FER: variants seen among roughly 807,000 people sequenced by gnomAD.
FER encodes FER tyrosine kinase.
FER carries 63 observed loss-of-function variants against 111.0 expected under a neutral mutation model. That is an observed-to-expected ratio of 0.57 (90% CI 0.46 to 0.70). FER has a LOEUF of 0.70. Among genes scored for constraint, FER ranks in the 30% least tolerant of loss-of-function variants. The probability of loss-of-function intolerance (pLI) is 0.00; values close to 1 mark genes in which losing one functional copy is unlikely to be tolerated. For synonymous variants in FER, 327 were observed against 313.9 expected, an observed-to-expected ratio of 1.04 and a Z score of -0.44; for missense variants, 914 against 954.0, an observed-to-expected ratio of 0.96 and a Z score of 0.55.
chr5:109,058,638 T>C (rs1773945673), intron 16 of FER, among the ~76,000 whole-genome samples: 1 of 151,172 alleles, frequency 6.6e-6, no homozygotes. Flanking sequence ...AACTTTCTAA[T>C]ATTATCATGA....
chr5:109,056,564 A>C (rs1049122546), intron 16 of FER, among the ~76,000 whole-genome samples: 1 of 152,218 alleles, frequency 6.6e-6, no homozygotes, highest in African/African-American at 2.4e-5. Context: ...GGCAGAGGGC[A>C]GGAACAGAGG....
chr5:109,138,790 G>A (rs1409618462), intron 17 of FER, among the ~76,000 whole-genome samples: 2 of 152,314 alleles, frequency 1.3e-5, no homozygotes, highest in South Asian at 2.1e-4. Flanking sequence ...GAGATGATAA[G>A]GGTTTGAACT....
chr5:108,958,456 G>A (rs1002398023), intron 12 of FER, among the ~76,000 whole-genome samples: 2 of 151,682 alleles, frequency 1.3e-5, no homozygotes, highest in Non-Finnish European at 3.0e-5. Context: ...TGATTTGCCA[G>A]GTTTATTGCT....
At chr5:109,083,198 T>C (rs1777185532) in intron 16 of FER, among the ~76,000 whole-genome samples, 1 of 152,102 alleles carries the variant, frequency 6.6e-6, no homozygotes, top group Non-Finnish European at 1.5e-5. Context: ...TCTTCATTTA[T>C]TGAAAGCGGC....
At chr5:108,920,087 T>C (rs1032835800) in intron 10 of FER, among the ~76,000 whole-genome samples, 2 of 152,114 alleles carry the variant, frequency 1.3e-5, no homozygotes, top group African/African-American at 4.8e-5. Context: ...ATTTTAGTTC[T>C]TTTTAGTTAT....
At chr5:109,106,070 A>G (rs1463277967) in intron 17 of FER, among the ~76,000 whole-genome samples, 2 of 152,212 alleles carry the variant, frequency 1.3e-5, no homozygotes, top group Non-Finnish European at 2.9e-5. Context: ...CTCTGGTTCT[A>G]AGGCCACACA....
chr5:109,182,267 T>C (rs948594537), intron 18 of FER, among the ~76,000 whole-genome samples: 2 of 152,148 alleles, frequency 1.3e-5, no homozygotes, highest in Non-Finnish European at 2.9e-5. Flanking sequence ...ATGTAATTGG[T>C]TTGGAAGTTG....
At chr5:109,046,977 G>A (rs1045536520) in intron 15 of FER, 127 bp from the exon 16 acceptor site, 4 of 528,364 alleles carry the variant, frequency 7.6e-6, no homozygotes, top group Non-Finnish European at 1.3e-5. Context: ...ATAATTTGGG[G>A]TCATACTGAA....
chr5:109,083,486 C>A (rs894789788), intron 16 of FER, among the ~76,000 whole-genome samples: 5 of 151,938 alleles, frequency 3.3e-5, no homozygotes, highest in Admixed American at 2.0e-4. Context: ...CCATTTTAAC[C>A]CAAAGATTGT....
intron 1 of FER, among the ~76,000 whole-genome samples, chr5:108,766,935 G>A (rs1752382519): frequency 6.6e-6 from 1 of 152,188 alleles, no homozygotes; most frequent in South Asian, 2.1e-4. Context: ...AAACCTCTCA[G>A]AAGAGTTCAC....
chr5:109,074,942 A>C (rs566318105), intron 16 of FER, among the ~76,000 whole-genome samples: 9 of 152,364 alleles, frequency 5.9e-5, no homozygotes, highest in Non-Finnish European at 1.3e-4. Context: ...AATACTAATG[A>C]ATTGGTGACA....
intron 13 of FER, 23 bp downstream of exon 13, chr5:108,959,370 G>T: frequency 6.4e-7 from 1 of 1,563,608 alleles, no homozygotes; most frequent in Non-Finnish European, 8.6e-7. Context: ...ATACTTTTTT[G>T]TCTGTTTGTT....
intron 13 of FER, among the ~76,000 whole-genome samples, chr5:109,031,322 C>T (rs1246046101): frequency 6.6e-6 from 1 of 152,016 alleles, no homozygotes; most frequent in African/African-American, 2.4e-5. Context: ...TCCTTGTTTG[C>T]CTCTTGAATT....
In FER at chr5:108,928,468, A is replaced by G. The variant is rs1053101971; in HGVS notation, c.1237-17662A>G. ...ATAAATTCGTGAGTTCTTGAAATGT[A>G]TTATAGGGCTCAACTTTTTAATAAG... On this transcript the variant is annotated intron_variant, in intron 10 of 19. Transcript: ENST00000281092. 1.2e-4 allele frequency among the ~76,000 whole-genome samples: 19 copies of G among 152,298 alleles called. No individual in the cohort carries two copies. In the South Asian group the frequency reaches 3.3e-3, roughly 27 times the overall value.
At chr5:108,749,719 T>G (rs1053786365) in intron 1 of FER, among the ~76,000 whole-genome samples, 5 of 152,070 alleles carry the variant, frequency 3.3e-5, no homozygotes, top group Admixed American at 6.5e-5. Flanking sequence ...AGTGGTGTCG[T>G]CGGTAATTTC....
chr5:109,056,676 G>T (rs1773690905), intron 16 of FER, among the ~76,000 whole-genome samples: 1 of 152,084 alleles, frequency 6.6e-6, no homozygotes, highest in South Asian at 2.1e-4. Flanking sequence ...TAATAAAATT[G>T]TTCTGTGTAT....
At chr5:108,792,201 G>A (rs1755454852) in intron 2 of FER, among the ~76,000 whole-genome samples, 1 of 152,116 alleles carries the variant, frequency 6.6e-6, no homozygotes, top group Non-Finnish European at 1.5e-5. Flanking sequence ...AGGATAGCTT[G>A]TCAAGTTCTA....
At chr5:108,782,835 A>G (rs909406342) in intron 2 of FER, 2 of 152,124 alleles carry the variant, frequency 1.3e-5, no homozygotes, top group Non-Finnish European at 2.9e-5. Flanking sequence ...CTGCCAATAG[A>G]TGCCTAATTG....
intron 10 of FER, among the ~76,000 whole-genome samples, chr5:108,940,009 T>A (rs1407161658): frequency 6.6e-6 from 1 of 152,084 alleles, no homozygotes. Context: ...TGAGGTCCTC[T>A]GCAACAAATA....
Sources: allele counts gnomAD v4.1 joint callset (sites outside exome capture counted in the v4.1 genomes callset), GRCh38; gene constraint gnomAD v4.1.1; transcripts MANE v1.5; gene names NCBI Gene and HGNC (gene_info 2026-07-23, HGNC 2026-07-21).